GNG12: variants seen among roughly 807,000 people sequenced by gnomAD.
The protein encoded by GNG12 is guanine nucleotide-binding protein G(I)/G(S)/G(O) subunit gamma-12.
For synonymous variants in GNG12, 28 were observed against 29.7 expected (o/e 0.94, Z 0.19); for missense variants, 69 against 83.8 (o/e 0.82, Z 0.69).
At chr1:67,760,031 G>A (rs568613021) in intron 2 of GNG12, among the ~76,000 whole-genome samples, 4 of 152,350 alleles carry the variant, frequency 2.6e-5, no homozygotes, top group African/African-American at 9.6e-5. Flanking sequence ...AGCAGTTGGC[G>A]TGGCAAGGAA....
At chr1:67,821,098 C>T (rs1367098816) in intron 1 of GNG12, among the ~76,000 whole-genome samples, 1 of 152,018 alleles carries the variant, frequency 6.6e-6, no homozygotes, top group Non-Finnish European at 1.5e-5. Context: ...TTTTAAGATC[C>T]CTGATAATTG....
At chr1:67,713,239 T>C (rs1196574099) in intron 2 of GNG12, among the ~76,000 whole-genome samples, 1 of 152,242 alleles carries the variant, frequency 6.6e-6, no homozygotes, top group Non-Finnish European at 1.5e-5. Flanking sequence ...GGCCTGTGCA[T>C]GCCTGTGCAG....
intron 1 of GNG12, among the ~76,000 whole-genome samples, chr1:67,796,091 T>G (rs1180753236): frequency 6.6e-6 from 1 of 152,238 alleles, no homozygotes; most frequent in African/African-American, 2.4e-5. Flanking sequence ...TGTGACCGAT[T>G]TAGAAAACCA....
intron 1 of GNG12, among the ~76,000 whole-genome samples, chr1:67,787,298 T>C (rs1646776578): frequency 6.6e-6 from 1 of 150,776 alleles, no homozygotes; most frequent in Admixed American, 6.6e-5. Context: ...AGGAGGGAGG[T>C]ACAAGTAAGG....
At chr1:67,712,287 AC>A (rs1646299888) in intron 2 of GNG12, among the ~76,000 whole-genome samples, 1 of 152,236 alleles carries the variant, frequency 6.6e-6, no homozygotes, top group African/African-American at 2.4e-5. Flanking sequence ...TTTGTATGGA[AC>A]CTGTGAGCAC....
intron 1 of GNG12, among the ~76,000 whole-genome samples, chr1:67,826,592 A>C (rs1204042197): frequency 1.3e-5 from 2 of 152,200 alleles, no homozygotes; most frequent in East Asian, 3.8e-4. Flanking sequence ...AGAAGATTTC[A>C]TTAGTCTAGG....
At chr1:67,753,505 G>C (rs1037451580) in intron 2 of GNG12, among the ~76,000 whole-genome samples, 2 of 152,182 alleles carry the variant, frequency 1.3e-5, no homozygotes, top group Non-Finnish European at 2.9e-5. Context: ...ACTTCATAAA[G>C]TAAGGAGTGG....
chr1:67,825,034 G>T (rs1647003977), intron 1 of GNG12, among the ~76,000 whole-genome samples: 1 of 152,160 alleles, frequency 6.6e-6, no homozygotes, highest in Non-Finnish European at 1.5e-5. Context: ...AAAGCATGCT[G>T]CTCATCAAAT....
chr1:67,778,231 T>C (rs1646717787), intron 1 of GNG12, among the ~76,000 whole-genome samples: 1 of 152,116 alleles, frequency 6.6e-6, no homozygotes, highest in Non-Finnish European at 1.5e-5. Context: ...ATCTAGAATA[T>C]TATTAACACA....
chr1:67,707,832 G>A, intron 2 of GNG12, 120 bp from the exon 3 acceptor site: 1 of 575,628 alleles, frequency 1.7e-6, no homozygotes, highest in Non-Finnish European at 3.0e-6. Flanking sequence ...CAGCTTCTTG[G>A]AGGCAGTTAC....
chr1:67,754,561 T>C (rs1646557470), intron 2 of GNG12, among the ~76,000 whole-genome samples: 2 of 152,180 alleles, frequency 1.3e-5, no homozygotes, highest in African/African-American at 4.8e-5. Context: ...GCCATGGCTG[T>C]CTAGCTGGTC....
At chr1:67,755,824 T>TA (rs1646564621) in intron 2 of GNG12, among the ~76,000 whole-genome samples, 1 of 152,088 alleles carries the variant, frequency 6.6e-6, no homozygotes, top group African/African-American at 2.4e-5. Context: ...TAACGAACAG[T>TA]AATTACCGAC....
intron 2 of GNG12, among the ~76,000 whole-genome samples, chr1:67,717,407 T>C (rs1646332265): frequency 6.6e-6 from 1 of 151,372 alleles, no homozygotes; most frequent in South Asian, 2.1e-4. Flanking sequence ...TCCCAGCTAC[T>C]GGGGAGGCTG....
intron 2 of GNG12, among the ~76,000 whole-genome samples, chr1:67,718,362 A>T (rs1251079697): frequency 2.8e-5 from 3 of 108,448 alleles, no homozygotes; most frequent in Admixed American, 1.7e-4. Context: ...TAGCCATATT[A>T]AAAAAAAAAG....
chr1:67,820,562 G>A (rs1029461251), intron 1 of GNG12, among the ~76,000 whole-genome samples: 1 of 152,120 alleles, frequency 6.6e-6, no homozygotes, highest in Non-Finnish European at 1.5e-5. Flanking sequence ...ACCACCTGGC[G>A]GATGCCTCAC....
intron 2 of GNG12, among the ~76,000 whole-genome samples, chr1:67,765,371 G>A (rs1646630017): frequency 6.6e-6 from 1 of 152,124 alleles, no homozygotes; most frequent in Admixed American, 6.5e-5. Context: ...GCACTTGAGG[G>A]ATGAAGATCT....
chr1:67,816,675 TG>T (rs1431211650), intron 1 of GNG12, among the ~76,000 whole-genome samples: 1 of 152,122 alleles, frequency 6.6e-6, no homozygotes, highest in Non-Finnish European at 1.5e-5. Flanking sequence ...AGAGTATAGA[TG>T]GGGCTCTCTC....
chr1:67,810,698 C>T (rs1570567897), intron 1 of GNG12, among the ~76,000 whole-genome samples: 2 of 152,084 alleles, frequency 1.3e-5, no homozygotes, highest in African/African-American at 4.8e-5. Flanking sequence ...CACCTTGGAC[C>T]ACAGGTTGGG....
rs114751990 is a variant in GNG12 at position 67,790,137 on chromosome 1, A to G, written c.-76-12630T>C. ...TCAACACAGTCCACTCAAAGCCACA[A>G]CTCAACAGGAAGACAATTCTGAAGA... On this transcript the variant is annotated intron_variant, in intron 1 of 3. Coordinates refer to ENST00000370982, the MANE Select transcript of GNG12 (RefSeq NM_018841.6). 6.7e-3 allele frequency among the ~76,000 whole-genome samples: 1,024 copies of G among 152,184 alleles called. 12 individuals carry two copies. The highest frequency in any genetic ancestry group is 0.024 in the African/African-American group (976 of 41,512).
Sources: gnomAD v4.1 joint callset for allele counts (sites outside exome capture counted in the v4.1 genomes callset) on GRCh38, gnomAD v4.1.1 for gene constraint, MANE v1.5 for transcripts, NCBI Gene and HGNC (gene_info 2026-07-23, HGNC 2026-07-21) for gene names.